The following CTNNA3 variants were observed in gnomAD, a reference collection of about 807,000 sequenced individuals.
CTNNA3 encodes the protein catenin alpha 3.
A neutral mutation model predicts 95.7 loss-of-function variants in CTNNA3; 76 were observed. The ratio of observed to expected loss-of-function variants is 0.79; its 90% confidence interval spans 0.66 to 0.96. CTNNA3 has a LOEUF of 0.96. Among genes scored for constraint, CTNNA3 ranks in the 40% least tolerant of loss-of-function variants. The pLI is 0.00. For missense variants in CTNNA3, 1,191 were observed against 1,089.8 expected (o/e 1.09, Z -1.31); for synonymous variants, 431 against 374.4 (o/e 1.15, Z -1.74).
intron 12 of CTNNA3, among the ~76,000 whole-genome samples, chr10:66,318,278 G>A (rs10997058): frequency 0.17 from 3,204 of 18,900 alleles, 43 homozygotes; most frequent in Middle Eastern, 0.37. Context: ...ATATATATAT[G>A]TGTGTGTGTG....
intron 11 of CTNNA3, among the ~76,000 whole-genome samples, chr10:66,510,410 T>G (rs55790108): frequency 0.15 from 23,107 of 151,704 alleles, 1,817 homozygotes; most frequent in Non-Finnish European, 0.17. Context: ...AATTGTTATG[T>G]GCTAGGACTT....
chr10:67,648,905 T>G (rs1839798600), intron 1 of CTNNA3: 1 of 798,108 alleles, frequency 1.3e-6, no homozygotes, highest in African/African-American at 1.8e-5. Flanking sequence ...CTGAAATGTT[T>G]TAGTTTGGTT....
chr10:66,299,171 T>C (rs1355816803), intron 12 of CTNNA3, among the ~76,000 whole-genome samples: 1 of 152,182 alleles, frequency 6.6e-6, no homozygotes, highest in African/African-American at 2.4e-5. Flanking sequence ...GATTGATGTC[T>C]CGTATCTCAC....
At chr10:67,738,553 C>G (rs1841316016) in intron 1 of CTNNA3, among the ~76,000 whole-genome samples, 3 of 152,102 alleles carry the variant, frequency 2.0e-5, no homozygotes, top group Non-Finnish European at 4.4e-5. Flanking sequence ...CAAACGAACG[C>G]AGCTCCTCAC....
At chr10:65,996,254 G>A (rs2078656147) in intron 15 of CTNNA3, among the ~76,000 whole-genome samples, 1 of 152,150 alleles carries the variant, frequency 6.6e-6, no homozygotes, top group Admixed American at 6.5e-5. Context: ...ATCAGTGGGA[G>A]CAGCCCCAGG....
intron 5 of CTNNA3, among the ~76,000 whole-genome samples, chr10:67,508,431 T>C (rs1839498271): frequency 6.6e-6 from 1 of 152,212 alleles, no homozygotes; most frequent in African/African-American, 2.4e-5. Context: ...CTTCAATAAG[T>C]GGGGTTGGGA....
At chr10:67,342,171 G>A (rs555669727) in intron 5 of CTNNA3, among the ~76,000 whole-genome samples, 79 of 132,216 alleles carry the variant, frequency 6.0e-4, no homozygotes, top group Non-Finnish European at 2.3e-4. Flanking sequence ...GCGCGGTCTC[G>A]GCTCACGGCA....
At chr10:66,544,394 A>T (rs1198680399) in intron 10 of CTNNA3, among the ~76,000 whole-genome samples, 1 of 152,122 alleles carries the variant, frequency 6.6e-6, no homozygotes, top group Non-Finnish European at 1.5e-5. Flanking sequence ...AATCATTGCA[A>T]GCAAACTTTA....
chr10:66,700,111 G>A (rs1318045060), intron 9 of CTNNA3, among the ~76,000 whole-genome samples: 1 of 151,812 alleles, frequency 6.6e-6, no homozygotes, highest in East Asian at 1.9e-4. Flanking sequence ...TTTTTATTCT[G>A]ATGATTGTTT....
intron 1 of CTNNA3, among the ~76,000 whole-genome samples, chr10:67,713,485 A>G (rs192358215): frequency 5.3e-4 from 80 of 152,344 alleles, no homozygotes; most frequent in African/African-American, 1.9e-3. Context: ...ACATGCACAC[A>G]TATGTTTATT....
intron 2 of CTNNA3, among the ~76,000 whole-genome samples, chr10:67,612,864 CATT>C (rs1477498899): frequency 6.6e-6 from 1 of 152,174 alleles, no homozygotes; most frequent in African/African-American, 2.4e-5. Flanking sequence ...ACCAATCTAT[CATT>C]ATGAAAAGTG....
chr10:66,587,718 G>A (rs1843407911), intron 10 of CTNNA3, among the ~76,000 whole-genome samples: 1 of 152,172 alleles, frequency 6.6e-6, no homozygotes, highest in South Asian at 2.1e-4. Flanking sequence ...CACTTGGCAA[G>A]GCATGTATCC....
chr10:66,377,405 G>C (rs1372395304), intron 12 of CTNNA3, among the ~76,000 whole-genome samples: 1 of 151,894 alleles, frequency 6.6e-6, no homozygotes, highest in Non-Finnish European at 1.5e-5. Context: ...TATCTAGAAA[G>C]GTTATTATAA....
intron 13 of CTNNA3, among the ~76,000 whole-genome samples, chr10:66,171,155 A>G (rs1253773781): frequency 1.1e-4 from 17 of 152,022 alleles, no homozygotes; most frequent in Non-Finnish European, 2.9e-5. Context: ...ATATCTCACA[A>G]TGACCTGAAA....
chr10:66,334,959 T>C (rs1206193182), intron 12 of CTNNA3, among the ~76,000 whole-genome samples: 2 of 152,116 alleles, frequency 1.3e-5, no homozygotes, highest in Admixed American at 1.3e-4. Flanking sequence ...AAACTTCTCT[T>C]CTCGCTTCAT....
intron 14 of CTNNA3, among the ~76,000 whole-genome samples, chr10:66,073,348 A>C (rs1250376423): frequency 6.6e-6 from 1 of 152,142 alleles, no homozygotes; most frequent in African/African-American, 2.4e-5. Context: ...TACAGTGTAC[A>C]TATAGGTCAG....
chr10:66,861,072 G>T (rs947826630), intron 7 of CTNNA3, among the ~76,000 whole-genome samples: 17 of 152,130 alleles, frequency 1.1e-4, no homozygotes, highest in South Asian at 4.2e-4. Flanking sequence ...ATATACAAAT[G>T]ATTCCTTTAA....
intron 11 of CTNNA3, among the ~76,000 whole-genome samples, chr10:66,486,150 A>G (rs1410002889): frequency 2.0e-5 from 3 of 152,200 alleles, no homozygotes; most frequent in Non-Finnish European, 4.4e-5. Flanking sequence ...CTTAGGCAGT[A>G]ATTTTTCAGA....
chr10:66,418,435 G>A (rs1408809468), intron 11 of CTNNA3, among the ~76,000 whole-genome samples: 2 of 134,344 alleles, frequency 1.5e-5, no homozygotes, highest in Non-Finnish European at 1.6e-5. Context: ...ACTTCTACCA[G>A]GCCTATAAAC....
Sources: allele counts gnomAD v4.1 joint callset (sites outside exome capture counted in the v4.1 genomes callset), GRCh38; gene constraint gnomAD v4.1.1; transcripts MANE v1.5; gene names NCBI Gene and HGNC (gene_info 2026-07-23, HGNC 2026-07-21).